The following SDK1 variants were observed in gnomAD, a reference collection of about 807,000 sequenced individuals.
SDK1 encodes sidekick cell adhesion molecule 1, also known as protein sidekick-1.
In SDK1, 157 loss-of-function variants were observed where a neutral mutation model predicts 245.5. That is an observed-to-expected ratio of 0.64 (90% CI 0.56 to 0.73). The LOEUF is 0.73. Among genes scored for constraint, SDK1 ranks in the 30% least tolerant of loss-of-function variants. The pLI, the probability that SDK1 is intolerant of heterozygous loss-of-function variation, is 0.00. For synonymous variants in SDK1, 1,647 were observed against 1,278.5 expected (o/e 1.29, Z -6.15); for missense variants, 3,583 against 3,002.3 (o/e 1.19, Z -4.52).
chr7:3,491,193 A>G (rs1397644459), intron 1 of SDK1, among the ~76,000 whole-genome samples: 2 of 152,246 alleles, frequency 1.3e-5, no homozygotes, highest in African/African-American at 2.4e-5. Context: ...AGGGATCTAC[A>G]GTTAGGTGCC....
At chr7:3,722,001 C>T (rs760284937) in intron 4 of SDK1, among the ~76,000 whole-genome samples, 2 of 152,082 alleles carry the variant, frequency 1.3e-5, no homozygotes, top group African/African-American at 2.4e-5. Flanking sequence ...GCAGTGGCAA[C>T]GATCATGCCT....
intron 14 of SDK1, among the ~76,000 whole-genome samples, chr7:3,999,125 AAC>A (rs140564397): frequency 2.6e-5 from 4 of 151,126 alleles, no homozygotes; most frequent in Non-Finnish European, 5.9e-5. Flanking sequence ...TCTCTCCCCA[AAC>A]ACACACACAC....
At chr7:4,080,162 C>T (rs1016248176) in intron 22 of SDK1, among the ~76,000 whole-genome samples, 2 of 151,998 alleles carry the variant, frequency 1.3e-5, no homozygotes, top group East Asian at 1.9e-4. Flanking sequence ...GGGAGGGGAG[C>T]AAGCCCTGCG....
intron 1 of SDK1, among the ~76,000 whole-genome samples, chr7:3,390,657 G>T (rs1285712011): frequency 6.6e-6 from 1 of 152,172 alleles, no homozygotes; most frequent in East Asian, 1.9e-4. Flanking sequence ...AGAGTGCCAT[G>T]TGCAGATAGA....
At chr7:3,751,306 C>G (rs1583374069) in intron 4 of SDK1, among the ~76,000 whole-genome samples, 1 of 152,222 alleles carries the variant, frequency 6.6e-6, no homozygotes, top group Non-Finnish European at 1.5e-5. Context: ...GATGATGCCC[C>G]TCTTTACTTC....
At chr7:3,513,954 G>T (rs982806878) in intron 1 of SDK1, among the ~76,000 whole-genome samples, 1 of 152,188 alleles carries the variant, frequency 6.6e-6, no homozygotes, top group Non-Finnish European at 1.5e-5. Context: ...TGCTGCAAAA[G>T]ACAAGATTTT....
At chr7:3,475,003 A>G (rs550847843) in intron 1 of SDK1, among the ~76,000 whole-genome samples, 1 of 152,264 alleles carries the variant, frequency 6.6e-6, no homozygotes, top group East Asian at 1.9e-4. Flanking sequence ...GACCCATTGT[A>G]TCATCCTAAC....
At chr7:3,398,866 G>A (rs999204235) in intron 1 of SDK1, among the ~76,000 whole-genome samples, 3 of 149,854 alleles carry the variant, frequency 2.0e-5, no homozygotes, top group South Asian at 2.1e-4. Flanking sequence ...CTCTAGTAGC[G>A]CTCCTCCTAG....
intron 8 of SDK1, among the ~76,000 whole-genome samples, chr7:3,959,243 G>T (rs1317280082): frequency 1.3e-5 from 2 of 152,104 alleles, no homozygotes. Context: ...TTACCCAGCA[G>T]AGCAAAAAGG....
chr7:4,226,597 A>G (rs985499036), intron 40 of SDK1, among the ~76,000 whole-genome samples: 10 of 152,200 alleles, frequency 6.6e-5, no homozygotes, highest in Admixed American at 5.2e-4. Flanking sequence ...ATTCCTGGAG[A>G]GGGCGCTCCA....
chr7:4,260,680 C>T (rs114649944), intron 44 of SDK1, among the ~76,000 whole-genome samples: 226 of 148,952 alleles, frequency 1.5e-3, no homozygotes, highest in African/African-American at 5.4e-3. Context: ...TCATCGTCAC[C>T]TGATAGGGAA....
chr7:4,219,243 C>T (rs1785003341), intron 38 of SDK1, among the ~76,000 whole-genome samples: 1 of 152,250 alleles, frequency 6.6e-6, no homozygotes, highest in African/African-American at 2.4e-5. Flanking sequence ...CCAACCCAGG[C>T]AGGCTGCAGC....
At chr7:3,935,976 G>C (rs939272490) in intron 5 of SDK1, among the ~76,000 whole-genome samples, 2 of 152,200 alleles carry the variant, frequency 1.3e-5, no homozygotes, top group East Asian at 3.9e-4. Context: ...TAATTAGAAG[G>C]TGAGAACAAT....
At chr7:3,825,836 G>T (rs973884266) in intron 5 of SDK1, among the ~76,000 whole-genome samples, 74 of 152,284 alleles carry the variant, frequency 4.9e-4, no homozygotes, top group African/African-American at 1.6e-3. Flanking sequence ...AGGGGAACAG[G>T]CAGATGCCTT....
intron 1 of SDK1, among the ~76,000 whole-genome samples, chr7:3,410,194 A>T (rs73298384): frequency 0.058 from 8,783 of 152,244 alleles, 713 homozygotes; most frequent in African/African-American, 0.18. Flanking sequence ...AATCTGAAAC[A>T]TTTTGAGCAC....
chr7:3,970,320 T>C (rs1782388383), intron 11 of SDK1, among the ~76,000 whole-genome samples: 1 of 152,242 alleles, frequency 6.6e-6, no homozygotes, highest in Non-Finnish European at 1.5e-5. Context: ...TGGTGTCCAC[T>C]TTGATAAACG....
chr7:3,302,247 G>C (rs994484316), intron 1 of SDK1: 1 of 152,470 alleles, frequency 6.6e-6, no homozygotes, highest in African/African-American at 2.4e-5. Context: ...TCGCACCGCA[G>C]GGTCTGGTTT....
chr7:3,596,743 T>G (rs183861771), intron 1 of SDK1, among the ~76,000 whole-genome samples: 1 of 152,298 alleles, frequency 6.6e-6, no homozygotes, highest in Admixed American at 6.5e-5. Context: ...TTAGCAGAGT[T>G]TAATTGAGCG....
intron 4 of SDK1, among the ~76,000 whole-genome samples, chr7:3,717,488 G>A (rs1359473201): frequency 3.9e-5 from 6 of 152,078 alleles, no homozygotes; most frequent in Admixed American, 1.3e-4. Context: ...TAGAAAGAGG[G>A]AAGTCTCAAA....
Sources: gnomAD v4.1 joint callset for allele counts (sites outside exome capture counted in the v4.1 genomes callset) on GRCh38, gnomAD v4.1.1 for gene constraint, MANE v1.5 for transcripts, NCBI Gene and HGNC (gene_info 2026-07-23, HGNC 2026-07-21) for gene names.